LRRC14: variants seen among roughly 807,000 people sequenced by gnomAD.
The protein encoded by LRRC14 is leucine-rich repeat-containing protein 14.
A neutral mutation model predicts 25.3 loss-of-function variants in LRRC14; 16 were observed. That is an observed-to-expected ratio of 0.63 (90% CI 0.43 to 0.96). The LOEUF is 0.96. LRRC14 is among the 40% of genes least tolerant of loss of function. The probability of loss-of-function intolerance (pLI) is 0.00; values close to 1 mark genes in which losing one functional copy is unlikely to be tolerated. For synonymous variants in LRRC14, 359 were observed against 295.1 expected, an observed-to-expected ratio of 1.22 and a Z score of -2.22; for missense variants, 594 against 660.5, an observed-to-expected ratio of 0.90 and a Z score of 1.10.
Position 144,521,704 on chromosome 8 carries a change from G to C in LRRC14, c.*226G>C. On this transcript the variant is annotated 3_prime_UTR_variant, in exon 4 of 4. Transcript: ENST00000292524. ...TTGGCTGATCATCTGTGGGCCCCGG[G>C]GCTGGATGTCAGGCCTCCATTGCCC... The C allele has an allele frequency of 1.8e-6, 1 of 570,310 alleles. No individual in the cohort carries two copies. The highest frequency in any genetic ancestry group is 3.1e-6 in the Non-Finnish European group (1 of 321,656). 35.3% of individuals were successfully genotyped at this position (570,310 alleles called of 1,614,324 possible).
Position 144,519,714 on chromosome 8 carries a change from C to G in LRRC14, c.-12C>G. On this transcript the variant is annotated 5_prime_UTR_variant, in exon 2 of 4. Coordinates refer to ENST00000292524, the MANE Select transcript of LRRC14 (RefSeq NM_014665.4). ...CCTCTCCTGCAGGTGGCCGTCTGCC[C>G]GGCCCAGCACCATGCACACGCTTGT... 1 of 1,597,548 alleles carries G rather than the reference C, an allele frequency of 6.3e-7. No homozygotes were observed.
rs1554908525 is a variant in LRRC14, at chr8:144,522,234, A to AT, written c.*756_*757insT. ...TGTGGCCGGCCAGGGCCAGCGAGGGACCCCCCCCATGCAGAGCTGGAGGTT... is the reference window on the plus strand; with the variant it reads ...TGTGGCCGGCCAGGGCCAGCGAGGGATCCCCCCCCATGCAGAGCTGGAGGTT... On this transcript the variant is annotated 3_prime_UTR_variant, in exon 4 of 4. Coordinates refer to ENST00000292524, the MANE Select transcript of LRRC14 (RefSeq NM_014665.4). 4.3e-6 allele frequency: 2 copies of AT among 468,726 alleles called. No homozygotes were observed. The highest frequency in any genetic ancestry group is 7.0e-6 in the Non-Finnish European group (2 of 287,072). 29.0% of individuals were successfully genotyped at this position (468,726 alleles called of 1,614,324 possible).
rs1234733420 is a variant in LRRC14 at position 144,521,286 on chromosome 8, C to T, written c.1290C>T (p.Phe430=). Residue 430 remains phenylalanine, a synonymous_variant, in exon 4 of 4, where the codon TTC becomes TTT. Transcript: ENST00000292524. ...QAELRTVVHP[F]PVDCYEGLPW... is the part of the protein sequence containing the mutation. ...AGCTGCGTACTGTGGTGCACCCCTT[C>T]CCTGTGGACTGCTATGAGGGCTTGC... The T allele has an allele frequency of 4.3e-6, 7 of 1,612,998 alleles. No individual in the cohort carries two copies. The highest frequency in any genetic ancestry group is 1.7e-6 in the Non-Finnish European group (2 of 1,180,024).
In LRRC14 at chr8:144,522,264, T is replaced by G; in HGVS notation, c.*786T>G. 4.7e-6 allele frequency: 3 copies of G among 634,746 alleles called. No individual in the cohort carries two copies. Among genetic ancestry groups the G allele is most frequent in the South Asian group, 3.6e-5 (1 of 28,018 alleles). 39.3% of individuals were successfully genotyped at this position (634,746 alleles called of 1,614,324 possible). On this transcript the variant is annotated 3_prime_UTR_variant, in exon 4 of 4. Transcript: ENST00000292524. Reference sequence around the variant, plus strand: ...CCCCATGCAGAGCTGGAGGTTGGGGTGATGTCTTTTCGGAAGAGCTTCAAG... The same window carrying G: ...CCCCATGCAGAGCTGGAGGTTGGGGGGATGTCTTTTCGGAAGAGCTTCAAG...
In LRRC14 at chr8:144,523,298, G is replaced by T. The variant is rs1293843377; in HGVS notation, c.*1820G>T. On this transcript the variant is annotated 3_prime_UTR_variant, in exon 4 of 4. Transcript: ENST00000292524. ...CAGGAGACTCTGGAGCGCCAGGCGC[G>T]GGGGCTCTGCACACATGATCTTCCT... The T allele has an allele frequency of 6.2e-7, 1 of 1,610,792 alleles. No homozygotes were observed. The highest frequency in any genetic ancestry group is 1.7e-5 in the Admixed American group (1 of 59,670).
rs114462073 is a variant in LRRC14, at chr8:144,521,649, C to T, written c.*171C>T. Reference sequence around the variant, plus strand: ...GCCTCCCCTGCTTTCTGCAGTGCCCCACGCGGTTTTCCCTGCACTTGCTCC... The same window carrying T: ...GCCTCCCCTGCTTTCTGCAGTGCCCTACGCGGTTTTCCCTGCACTTGCTCC... On this transcript the variant is annotated 3_prime_UTR_variant, in exon 4 of 4. Coordinates refer to ENST00000292524, the MANE Select transcript of LRRC14 (RefSeq NM_014665.4). 1.2e-3 allele frequency: 793 copies of T among 678,426 alleles called. 4 individuals carry two copies. In the African/African-American group the frequency reaches 0.014, roughly 12 times the overall value. The allele number at this position is 678,426 out of a possible 1,614,324, so 42.0% of individuals were successfully genotyped here. A position where few individuals can be genotyped will look rare whatever the true frequency, so the allele number is the denominator to read the frequency against.
rs761307574 is a variant in LRRC14, at chr8:144,520,292, A to G, written c.384A>G (p.Glu128=). Residue 128 remains glutamate, a synonymous_variant, in exon 3 of 4, where the codon GAA becomes GAG. Transcript: ENST00000292524. ...CGGGCCTCTTGGATGATGGTGTGGAACAGGATCCTGGCACCATGAGCATGT... is the reference window on the plus strand; with the variant it reads ...CGGGCCTCTTGGATGATGGTGTGGAGCAGGATCCTGGCACCATGAGCATGT... ...DMTGLLDDGV[E]QDPGTMSMWD... 107 of 1,611,866 alleles carry G rather than the reference A, an allele frequency of 6.6e-5. No homozygotes were observed. Among genetic ancestry groups the G allele is most frequent in the Admixed American group, 3.3e-4 (20 of 60,010 alleles).
rs1010922531 is a variant in LRRC14 at position 144,525,009 on chromosome 8, G to A, written c.*3531G>A. 3.5e-6 allele frequency: 5 copies of A among 1,412,298 alleles called. No individual in the cohort carries two copies. The highest frequency in any genetic ancestry group is 1.5e-5 in the African/African-American group (1 of 67,270). The allele number at this position is 1,412,298 out of a possible 1,614,324, so 87.5% of individuals were successfully genotyped here. On this transcript the variant is annotated 3_prime_UTR_variant, in exon 4 of 4. Coordinates refer to ENST00000292524, the MANE Select transcript of LRRC14 (RefSeq NM_014665.4). ...CCCGGTTCCTCACCGGCCCTTCCGC[G>A]GTTCAGCCGCAGACGCGTGCCCTCC...
In LRRC14 at chr8:144,522,700, C is replaced by T. The variant is rs368983295; in HGVS notation, c.*1222C>T. ...CGTTGACGAACAGCGCTCCCTCCCC[C>T]GGAGGCCCCCGCGCCTTTTTTCGCC... On this transcript the variant is annotated 3_prime_UTR_variant, in exon 4 of 4. Coordinates refer to ENST00000292524, the MANE Select transcript of LRRC14 (RefSeq NM_014665.4). 28 of 1,595,856 alleles carry T rather than the reference C, an allele frequency of 1.8e-5. No homozygotes were observed. Among genetic ancestry groups the T allele is most frequent in the African/African-American group, 9.5e-5 (7 of 73,722 alleles).
At chr8:144,518,660 G>A (rs1815662764) in intron 1 of LRRC14, 1 of 152,296 alleles carries the variant, frequency 6.6e-6, no homozygotes, top group Non-Finnish European at 1.5e-5. Flanking sequence ...CTTGGGGCCA[G>A]AGTGTCTTCC....
At chr8:144,519,036 G>T (rs1475097475) in intron 1 of LRRC14, among the ~76,000 whole-genome samples, 1 of 152,350 alleles carries the variant, frequency 6.6e-6, no homozygotes. Flanking sequence ...GGGTCTCCGT[G>T]CTTGGTGACG....
rs200761435 is a variant in LRRC14 at position 144,521,214 on chromosome 8, C to G, written c.1218C>G (p.Ser406=). ...RYLGLYGNPL[S]MAGLKELLRD... is the part of the protein sequence containing the mutation. ...TTGGCCTCTATGGCAACCCACTGTC[C>G]ATGGCGGGCCTCAAGGAGCTGCTGC... is the stretch of plus-strand genomic sequence containing the variant. The change falls in exon 4 of 4, where the codon TCC becomes TCG. Residue 406 remains serine, a synonymous_variant. Transcript: ENST00000292524. The G allele has an allele frequency of 1.1e-5, 17 of 1,613,218 alleles. No homozygotes were observed. In the African/African-American group the frequency reaches 2.0e-4, roughly 19 times the overall value.
In LRRC14 at chr8:144,520,269, G is replaced by A. The variant is rs775880960; in HGVS notation, c.361G>A (p.Gly121Ser). The change falls in exon 3 of 4, where the codon GGC becomes AGC. Residue 121 changes from glycine (G) to serine (S), a missense_variant. Coordinates refer to ENST00000292524, the MANE Select transcript of LRRC14 (RefSeq NM_014665.4). ...TGCGCTGCGGGTGCTGGACATGACGGGCCTCTTGGATGATGGTGTGGAACA... is the reference window on the plus strand; with the variant it reads ...TGCGCTGCGGGTGCTGGACATGACGAGCCTCTTGGATGATGGTGTGGAACA... ...KHALRVLDMT[G>S]LLDDGVEQDP... The A allele has an allele frequency of 6.2e-7, 1 of 1,610,986 alleles. No homozygotes were observed. Among genetic ancestry groups the A allele is most frequent in the Non-Finnish European group, 8.5e-7 (1 of 1,179,982 alleles).
rs779790997 is a variant in LRRC14, at chr8:144,524,577, A to G, written c.*3099A>G. 3 of 1,551,992 alleles carry G rather than the reference A, an allele frequency of 1.9e-6. No homozygotes were observed. Among genetic ancestry groups the G allele is most frequent in the East Asian group, 2.4e-5 (1 of 42,502 alleles). Reference sequence around the variant, plus strand: ...CCGGTTGCTAGTGAGCGCCAGCTCCAGCAGGCGCGGCTGCGCGCGGAAGGC... The same window carrying G: ...CCGGTTGCTAGTGAGCGCCAGCTCCGGCAGGCGCGGCTGCGCGCGGAAGGC... On this transcript the variant is annotated 3_prime_UTR_variant, in exon 4 of 4. Coordinates refer to ENST00000292524, the MANE Select transcript of LRRC14 (RefSeq NM_014665.4).
chr8:144,524,038 C>T lies in LRRC14; in HGVS notation c.*2560C>T. On this transcript the variant is annotated 3_prime_UTR_variant, in exon 4 of 4. Transcript: ENST00000292524. ...GCCCAGTTGCCTGATGTCAGAGCCC[C>T]TCCACACATGAGCCTGCTCCCTACT... 1 of 1,529,536 alleles carries T rather than the reference C, an allele frequency of 6.5e-7. No individual in the cohort carries two copies. Among genetic ancestry groups the T allele is most frequent in the Non-Finnish European group, 8.9e-7 (1 of 1,128,524 alleles). 94.7% of individuals were successfully genotyped at this position (1,529,536 alleles called of 1,614,324 possible).
Position 144,524,894 on chromosome 8 carries a change from G to GC in LRRC14, c.*3417dup. The GC allele has an allele frequency of 6.6e-7, 1 of 1,514,950 alleles. No homozygotes were observed. Among genetic ancestry groups the GC allele is most frequent in the South Asian group, 1.2e-5 (1 of 82,820 alleles). The allele number at this position is 1,514,950 out of a possible 1,614,324, so 93.8% of individuals were successfully genotyped here. On this transcript the variant is annotated 3_prime_UTR_variant, in exon 4 of 4. Transcript: ENST00000292524. ...ACTCCACCGTGGCGCTGTAGCAGCG[G>GC]CAGGCTGCTGGGCAGCCGGCGGCGC...
Position 144,522,568 on chromosome 8 carries a change from A to G in LRRC14, c.*1090A>G. On this transcript the variant is annotated 3_prime_UTR_variant, in exon 4 of 4. Coordinates refer to ENST00000292524, the MANE Select transcript of LRRC14 (RefSeq NM_014665.4). ...CGCAGTCAGCGGGCGCCTCCGCCGG[A>G]CCCTCGGCGAAGAGCGGCTTGGAGC... The G allele has an allele frequency of 1.3e-6, 2 of 1,550,868 alleles. No individual in the cohort carries two copies. Among genetic ancestry groups the G allele is most frequent in the African/African-American group, 1.4e-5 (1 of 70,900 alleles).
At position 144,522,452 on chromosome 8, in the gene LRRC14, A is replaced by C. The variant is rs1816136774; in HGVS notation, c.*974A>C. The C allele has an allele frequency of 7.2e-7, 1 of 1,394,820 alleles. No individual in the cohort carries two copies. Among genetic ancestry groups the C allele is most frequent in the African/African-American group, 1.5e-5 (1 of 65,282 alleles). The allele number at this position is 1,394,820 out of a possible 1,614,324, so 86.4% of individuals were successfully genotyped here. A position where few individuals can be genotyped will look rare whatever the true frequency, so the allele number is the denominator to read the frequency against. ...CCGCACCGGCCAATCTCCGGCGCCC[A>C]CGTCATCCGCGCGCCCGCGGCCCTA... On this transcript the variant is annotated 3_prime_UTR_variant, in exon 4 of 4. Transcript: ENST00000292524.
chr8:144,522,118 C>T lies in LRRC14; in HGVS notation c.*640C>T. The T allele has an allele frequency of 3.5e-6, 1 of 284,160 alleles. No homozygotes were observed. Among genetic ancestry groups the T allele is most frequent in the South Asian group, 1.2e-4 (1 of 8,516 alleles). 17.6% of individuals were successfully genotyped at this position (284,160 alleles called of 1,614,324 possible). ...TGGCCACCCGGCAACAACTGCCATC[C>T]AGCCTGTCGCCCCGCCCTTCGCGGG... On this transcript the variant is annotated 3_prime_UTR_variant, in exon 4 of 4. Transcript: ENST00000292524.
Sources: allele counts gnomAD v4.1 joint callset (sites outside exome capture counted in the v4.1 genomes callset), GRCh38; gene constraint gnomAD v4.1.1; transcripts MANE v1.5; gene names NCBI Gene and HGNC (gene_info 2026-07-23, HGNC 2026-07-21).